Variants in CAMSAP2 observed in about 807,000 individuals in gnomAD.
CAMSAP2 encodes the protein calmodulin regulated spectrin associated protein family member 2.
Under a neutral mutation model 146.1 loss-of-function variants are expected in CAMSAP2, and 26 were observed. That is an observed-to-expected ratio of 0.18 (90% CI 0.13 to 0.25). The LOEUF (loss-of-function observed/expected upper bound fraction) is 0.25. CAMSAP2 is among the 10% of genes least tolerant of loss of function. CAMSAP2 has a pLI of 1.00. For missense variants in CAMSAP2, 1,381 were observed against 1,759.3 expected (o/e 0.78, Z 3.85); for synonymous variants, 499 against 596.6 (o/e 0.84, Z 2.38).
intron 3 of CAMSAP2, 36 bp from the exon 4 acceptor site, chr1:200,815,523 AAG>A (rs780732224): frequency 1.2e-4 from 130 of 1,107,866 alleles, no homozygotes; most frequent in African/African-American, 3.3e-4. Flanking sequence ...AATTCAAAAA[AAG>A]AATAAAAATT....
chr1:200,810,532 C>T (rs1197049781), intron 3 of CAMSAP2, among the ~76,000 whole-genome samples: 4 of 148,728 alleles, frequency 2.7e-5, no homozygotes, highest in Admixed American at 6.8e-5. Flanking sequence ...GCCGAGATGG[C>T]GCCACGGCAC....
intron 4 of CAMSAP2, among the ~76,000 whole-genome samples, chr1:200,831,510 T>A (rs1571809818): frequency 6.6e-6 from 1 of 152,194 alleles, no homozygotes; most frequent in African/African-American, 2.4e-5. Flanking sequence ...GATCTATTTT[T>A]AAAAATTCTA....
At chr1:200,804,117 A>G (rs1433425005) in intron 2 of CAMSAP2, among the ~76,000 whole-genome samples, 4 of 151,904 alleles carry the variant, frequency 2.6e-5, no homozygotes, top group Middle Eastern at 3.4e-3. Context: ...TAGTAGAGAC[A>G]GGGTTTCACC....
At chr1:200,747,439 A>G (rs546412828) in intron 1 of CAMSAP2, among the ~76,000 whole-genome samples, 132 of 152,348 alleles carry the variant, frequency 8.7e-4, no homozygotes, top group Non-Finnish European at 1.1e-3. Flanking sequence ...GATTTTGCTG[A>G]GAACATTTTG....
chr1:200,765,120 CAAAA>C (rs1369672605), intron 2 of CAMSAP2, among the ~76,000 whole-genome samples: 3 of 151,860 alleles, frequency 2.0e-5, no homozygotes, highest in South Asian at 2.1e-4. Context: ...AACAAAAAAA[CAAAA>C]AAACTCAACG....
intron 2 of CAMSAP2, among the ~76,000 whole-genome samples, chr1:200,804,084 G>A (rs561212556): frequency 5.9e-4 from 89 of 152,040 alleles, no homozygotes; most frequent in South Asian, 1.0e-3. Flanking sequence ...CCGCCACCAC[G>A]CCTGGCTAAT....
At chr1:200,776,344 T>G (rs1284762186) in intron 2 of CAMSAP2, among the ~76,000 whole-genome samples, 1 of 152,214 alleles carries the variant, frequency 6.6e-6, no homozygotes, top group Non-Finnish European at 1.5e-5. Flanking sequence ...AGAAATCTGG[T>G]AGGTGAAACT....
intron 4 of CAMSAP2, among the ~76,000 whole-genome samples, chr1:200,827,488 C>G (rs866675756): frequency 1.3e-5 from 2 of 152,168 alleles, no homozygotes; most frequent in African/African-American, 4.8e-5. Context: ...GCTATTATAA[C>G]TGCAGCTGCC....
chr1:200,773,016 G>A (rs756963291), intron 2 of CAMSAP2, among the ~76,000 whole-genome samples: 2 of 152,200 alleles, frequency 1.3e-5, no homozygotes, highest in Non-Finnish European at 2.9e-5. Flanking sequence ...GCAACTGTAA[G>A]TATGAGGGAA....
chr1:200,822,929 G>A (rs1666813164), intron 4 of CAMSAP2, among the ~76,000 whole-genome samples: 1 of 152,140 alleles, frequency 6.6e-6, no homozygotes, highest in African/African-American at 2.4e-5. Flanking sequence ...GACAGTGACT[G>A]TGAATAACTG....
intron 2 of CAMSAP2, among the ~76,000 whole-genome samples, chr1:200,764,419 C>T (rs6660092): frequency 0.17 from 25,532 of 152,078 alleles, 2,835 homozygotes; most frequent in East Asian, 0.35. Flanking sequence ...TTACACCAGA[C>T]TGTTAACTTT....
intron 2 of CAMSAP2, among the ~76,000 whole-genome samples, chr1:200,765,865 A>G (rs1432730066): frequency 6.6e-6 from 1 of 152,180 alleles, no homozygotes; most frequent in Admixed American, 6.6e-5. Flanking sequence ...TATTGACTGC[A>G]TGGAGGGATA....
intron 2 of CAMSAP2, among the ~76,000 whole-genome samples, chr1:200,806,073 C>A (rs1166286304): frequency 6.6e-6 from 1 of 151,926 alleles, no homozygotes. Context: ...AACTCCAAAG[C>A]CATAAAGGAA....
At chr1:200,796,992 G>A (rs1207523291) in intron 2 of CAMSAP2, among the ~76,000 whole-genome samples, 1 of 152,106 alleles carries the variant, frequency 6.6e-6, no homozygotes, top group African/African-American at 2.4e-5. Flanking sequence ...CCCTACAAAG[G>A]ACATGAACTC....
chr1:200,778,549 G>A (rs114591513), intron 2 of CAMSAP2, among the ~76,000 whole-genome samples: 426 of 152,260 alleles, frequency 2.8e-3, no homozygotes, highest in African/African-American at 9.4e-3. Flanking sequence ...CAGTTAACCA[G>A]TGATCATTTG....
intron 4 of CAMSAP2, among the ~76,000 whole-genome samples, chr1:200,823,861 CT>C (rs1183582988): frequency 6.6e-6 from 1 of 152,138 alleles, no homozygotes; most frequent in African/African-American, 2.4e-5. Flanking sequence ...AGATTTGTGT[CT>C]TCTTCCCCAT....
intron 7 of CAMSAP2, among the ~76,000 whole-genome samples, chr1:200,844,090 C>T (rs2102240928): frequency 6.6e-6 from 1 of 152,114 alleles, no homozygotes; most frequent in African/African-American, 2.4e-5. Context: ...CCAGGATGGT[C>T]TCAATCTCCT....
At chr1:200,838,324 C>T (rs1372133339) in intron 6 of CAMSAP2, among the ~76,000 whole-genome samples, 1 of 152,028 alleles carries the variant, frequency 6.6e-6, no homozygotes, top group African/African-American at 2.4e-5. Flanking sequence ...TAAAATGGAA[C>T]CTAGCACCAG....
chr1:200,769,484 A>G (rs1571734705), intron 2 of CAMSAP2, among the ~76,000 whole-genome samples: 1 of 152,294 alleles, frequency 6.6e-6, no homozygotes, highest in Non-Finnish European at 1.5e-5. Flanking sequence ...CAGATCCCAC[A>G]GGTTGAGGGC....
Sources: gnomAD v4.1 joint callset for allele counts (sites outside exome capture counted in the v4.1 genomes callset) on GRCh38, gnomAD v4.1.1 for gene constraint, MANE v1.5 for transcripts, NCBI Gene and HGNC (gene_info 2026-07-23, HGNC 2026-07-21) for gene names.